Variants in COL7A1 observed in about 807,000 individuals in gnomAD.
COL7A1 encodes collagen type VII alpha 1 chain, also known as collagen alpha-1(VII) chain.
COL7A1 carries 296 observed loss-of-function variants against 456.2 expected under a neutral mutation model. That is an observed-to-expected ratio of 0.65 (90% CI 0.59 to 0.71). The LOEUF is 0.71. Among genes scored for constraint, COL7A1 ranks in the 30% least tolerant of loss-of-function variants. The pLI is 0.00. For missense variants in COL7A1, 3,441 were observed against 4,017.2 expected (o/e 0.86, Z 3.88); for synonymous variants, 1,464 against 1,525.9 (o/e 0.96, Z 0.95).
At position 48,573,863 on chromosome 3, in the gene COL7A1, CA is replaced by C. The variant is rs1477977704; in HGVS notation, c.6528del (p.Gly2177AlafsTer29). 1.9e-6 allele frequency: 3 copies of C among 1,613,846 alleles called. No individual in the cohort carries two copies. The highest frequency in any genetic ancestry group is 1.7e-5 in the Admixed American group (1 of 59,996). On this transcript the variant is annotated frameshift_variant, in exon 81 of 119. Transcript: ENST00000681320. LOFTEE classifies it high-confidence loss of function. This position sits in a 1 kb window ranked among gnomAD's most constrained non-coding sequence, Gnocchi z 5.5. ...KPGLQGPRGPPGPVGGHGDPG... is the reference protein window; with the variant it reads ...KPGLQGPRGPXGPVGGHGDPG... Reference sequence around the variant, plus strand: ...GGTTCTTGGGTACTCACCACTGGGCCAGGGGGGCCTCTTGGACCCTGCAGAC... The same window carrying C: ...GGTTCTTGGGTACTCACCACTGGGCCGGGGGGCCTCTTGGACCCTGCAGAC...
Position 48,580,392 on chromosome 3 carries a change from G to A in COL7A1, c.5053-48C>T. 2 of 1,591,478 alleles carry A rather than the reference G, an allele frequency of 1.3e-6. No homozygotes were observed. Among genetic ancestry groups the A allele is most frequent in the Non-Finnish European group, 1.7e-6 (2 of 1,166,330 alleles). Reference sequence around the variant, plus strand: ...GCCACTCAAGGTAGGCAGCAGTTTGGGAGAGCTTTGGAAGCACCATGAGGA... The same window carrying A: ...GCCACTCAAGGTAGGCAGCAGTTTGAGAGAGCTTTGGAAGCACCATGAGGA... On this transcript the variant is annotated intron_variant, in intron 55 of 118. Coordinates refer to ENST00000681320, the MANE Select transcript of COL7A1 (RefSeq NM_000094.4). The surrounding 1 kb of genome is among the most constrained non-coding windows in gnomAD (Gnocchi z 4.5).
At position 48,581,695 on chromosome 3, in the gene COL7A1, G is replaced by A. The variant is rs145729790; in HGVS notation, c.4722+11C>T. ...TCACCAACTGCCCCCTAAACACTTC[G>A]CTTCACTTACCCGTTCCCCTTGGAC... On this transcript the variant is annotated intron_variant, in intron 49 of 118. Transcript: ENST00000681320. The surrounding 1 kb of genome is among the most constrained non-coding windows in gnomAD (Gnocchi z 5.8). 766 of 1,613,996 alleles carry A rather than the reference G, an allele frequency of 4.7e-4. 3 individuals are homozygous for A. In the East Asian group the frequency reaches 0.013, roughly 27 times the overall value.
Position 48,588,313 on chromosome 3 carries a change from C to T in COL7A1, c.2679G>A (p.Ala893=), listed in dbSNP as rs374261595. Residue 893 remains alanine, a synonymous_variant, in exon 21 of 119, where the codon GCG becomes GCA. Coordinates refer to ENST00000681320, the MANE Select transcript of COL7A1 (RefSeq NM_000094.4). The surrounding 1 kb of genome is among the most constrained non-coding windows in gnomAD (Gnocchi z 4.6). ...GTTGCCAGTGCAGAAGGAAGCCCTG[C>T]GCTCTGGGCACCGGCTCCCAGCGCA... is the stretch of plus-strand genomic sequence containing the variant. ...LRLRWEPVPR[A]QGFLLHWQPE... is the part of the protein sequence containing the mutation. 5.0e-5 allele frequency: 80 copies of T among 1,612,960 alleles called. 1 individual carries two copies. The African/African-American group carries it at 7.9e-4, about 16-fold the overall frequency.
Position 48,569,879 on chromosome 3 carries a change from C to T in COL7A1, c.7521+1G>A, listed in dbSNP as rs1560200657. 3.1e-6 allele frequency: 5 copies of T among 1,614,150 alleles called. No homozygotes were observed. Among genetic ancestry groups the T allele is most frequent in the Non-Finnish European group, 2.5e-6 (3 of 1,180,006 alleles). On this transcript the variant is annotated splice_donor_variant, in intron 100 of 118. Coordinates refer to ENST00000681320, the MANE Select transcript of COL7A1 (RefSeq NM_000094.4). LOFTEE classifies it high-confidence loss of function. This position sits in a 1 kb window ranked among gnomAD's most constrained non-coding sequence, Gnocchi z 4.9. ...TGCCAGGACCTTCCCCACGTTCCTA[C>T]CTTCTCCCCACGCTCTCCCCTGCTG...
chr3:48,584,486 G>C lies in COL7A1; in HGVS notation c.4118C>G (p.Ser1373Trp). ...LPGRKGDPGP[S>W]GPPGPRGPLG... The stretch of plus-strand genomic sequence containing the variant: ...TGCCTCCACATACCCTGCACTTACC[G>C]ATGGTCCAGGGTCCCCTTTCCGCCC... The change falls in exon 36 of 119, where the codon TCG (serine) becomes TGG (tryptophan). Residue 1373 changes from serine to tryptophan, a missense_variant and splice_region_variant. By Grantham distance (177) the Ser-to-Trp change is radical (BLOSUM62 -3). Around this residue, in one of 3 missense-constraint regions of COL7A1, gnomAD observed 2,084 missense variants for 2,501.3 expected, o/e 0.83. Transcript: ENST00000681320. The C allele has an allele frequency of 2.5e-6, 4 of 1,613,790 alleles. No individual in the cohort carries two copies. The highest frequency in any genetic ancestry group is 3.4e-6 in the Non-Finnish European group (4 of 1,179,960).
Position 48,594,483 on chromosome 3 carries a change from G to T in COL7A1, c.151C>A (p.Arg51Ser). ...FLLDGSSSIG[R>S]SNFREVRSFL... ...CTGCGGACCTCGCGGAAATTGCTGCGGCCAATGGATGAGGAGCCATCCAGT... is the reference window on the plus strand; with the variant it reads ...CTGCGGACCTCGCGGAAATTGCTGCTGCCAATGGATGAGGAGCCATCCAGT... The change falls in exon 3 of 119, where the codon CGC (arginine) becomes AGC (serine). Residue 51 changes from arginine to serine, a missense_variant. Arg to Ser is a moderately radical substitution (Grantham distance 110). Around this residue, in one of 3 missense-constraint regions of COL7A1, gnomAD observed 913 missense variants for 1,088.2 expected, o/e 0.84. Coordinates refer to ENST00000681320, the MANE Select transcript of COL7A1 (RefSeq NM_000094.4). The surrounding 1 kb of genome is among the most constrained non-coding windows in gnomAD (Gnocchi z 5.5). The T allele has an allele frequency of 1.2e-6, 2 of 1,612,356 alleles. No homozygotes were observed. Among genetic ancestry groups the T allele is most frequent in the East Asian group, 2.2e-5 (1 of 44,894 alleles).
In COL7A1 at chr3:48,586,742, G is replaced by A; in HGVS notation, c.3277-53C>T. 1.3e-6 allele frequency: 2 copies of A among 1,549,572 alleles called. No homozygotes were observed. The highest frequency in any genetic ancestry group is 3.9e-5 in the Admixed American group (2 of 51,078). On this transcript the variant is annotated intron_variant, in intron 25 of 118. Coordinates refer to ENST00000681320, the MANE Select transcript of COL7A1 (RefSeq NM_000094.4). The surrounding 1 kb of genome is among the most constrained non-coding windows in gnomAD (Gnocchi z 5.1). ...AGGAGGATGACAGAGCAGGGATGGGGGTGCACAGAGCCTGGAGAAACACAT... is the reference window on the plus strand; with the variant it reads ...AGGAGGATGACAGAGCAGGGATGGGAGTGCACAGAGCCTGGAGAAACACAT...
Position 48,593,886 on chromosome 3 carries a change from A to G in COL7A1, c.267-190T>C, listed in dbSNP as rs1340048640. Among the ~76,000 whole-genome samples the G allele has an allele frequency of 6.6e-6, 1 of 152,166 alleles. No individual in the cohort carries two copies. Among genetic ancestry groups the G allele is most frequent in the Non-Finnish European group, 1.5e-5 (1 of 68,002 alleles). Reference sequence around the variant, plus strand: ...AAACTCCCCAGGGGCTCCTTTGTGCACCATCTGCAGGTGGGCCTGGGCAGA... The same window carrying G: ...AAACTCCCCAGGGGCTCCTTTGTGCGCCATCTGCAGGTGGGCCTGGGCAGA... On this transcript the variant is annotated intron_variant, in intron 3 of 118. Coordinates refer to ENST00000681320, the MANE Select transcript of COL7A1 (RefSeq NM_000094.4). The surrounding 1 kb of genome is among the most constrained non-coding windows in gnomAD (Gnocchi z 4.4).
In COL7A1 at chr3:48,583,586, G is replaced by A. The variant is rs1395386523; in HGVS notation, c.4371C>T (p.Leu1457=). The change falls in exon 41 of 119, where the codon CTC becomes CTT. Residue 1457 remains leucine, a synonymous_variant. Transcript: ENST00000681320. This position sits in a 1 kb window ranked among gnomAD's most constrained non-coding sequence, Gnocchi z 5.1. ...CACCCGGAGACCCAGGTTGTCCTGG[G>A]AGGCCTGGAGCTCCATCCTCAGAGT... ...KGDSEDGAPG[L]PGQPGSPGEQ... The A allele has an allele frequency of 2.5e-6, 4 of 1,614,036 alleles. No individual in the cohort carries two copies. Among genetic ancestry groups the A allele is most frequent in the Admixed American group, 1.7e-5 (1 of 60,024 alleles).
chr3:48,588,340 C>A lies in COL7A1; in HGVS notation c.2652G>T (p.Arg884Ser). Residue 884 changes from arginine to serine, a missense_variant, in exon 21 of 119, where the codon AGG (arginine) becomes AGT (serine). By Grantham distance (110) the Arg-to-Ser change is moderately radical (BLOSUM62 -1). This residue lies in a region of COL7A1 where 444 missense variants were observed against 427.6 expected (regional missense o/e 1.04). Coordinates refer to ENST00000681320, the MANE Select transcript of COL7A1 (RefSeq NM_000094.4). The surrounding 1 kb of genome is among the most constrained non-coding windows in gnomAD (Gnocchi z 4.6). ...CTCTGGGCACCGGCTCCCAGCGCAG[C>A]CTCAGCGAGTGCTCCCCGCGCTGCA... ...HVVQRGEHSL[R>S]LRWEPVPRAQ... is the part of the protein sequence containing the mutation. 1.2e-6 allele frequency: 2 copies of A among 1,612,826 alleles called. No homozygotes were observed. The highest frequency in any genetic ancestry group is 1.7e-6 in the Non-Finnish European group (2 of 1,179,992).
At position 48,564,489 on chromosome 3, in the gene COL7A1, C is replaced by A; in HGVS notation, c.8819-67G>T. 2 of 1,592,240 alleles carry A rather than the reference C, an allele frequency of 1.3e-6. No homozygotes were observed. The highest frequency in any genetic ancestry group is 1.7e-5 in the Admixed American group (1 of 59,262). On this transcript the variant is annotated intron_variant, in intron 118 of 118. Coordinates refer to ENST00000681320, the MANE Select transcript of COL7A1 (RefSeq NM_000094.4). The surrounding 1 kb of genome is among the most constrained non-coding windows in gnomAD (Gnocchi z 6.0). Reference sequence around the variant, plus strand: ...TTCCCCGGAGACGCTCAGGCAGAGGCACCGCCAAGGGGAGGGAGCGGAGGC... The same window carrying A: ...TTCCCCGGAGACGCTCAGGCAGAGGAACCGCCAAGGGGAGGGAGCGGAGGC...
At chr3:48,576,162 A>C in intron 71 of COL7A1, 87 bp downstream of exon 71, 1 of 1,585,032 alleles carries the variant, frequency 6.3e-7, no homozygotes, top group Non-Finnish European at 8.6e-7. Context: ...GAACCTATGG[A>C]GCCTCATGGC....
At position 48,590,111 on chromosome 3, in the gene COL7A1, G is replaced by A; in HGVS notation, c.2050+102C>T. On this transcript the variant is annotated intron_variant, in intron 16 of 118. Transcript: ENST00000681320. The surrounding 1 kb of genome is among the most constrained non-coding windows in gnomAD (Gnocchi z 4.6). ...AGGAGGGAGTGGGATTCTGAAGGGG[G>A]AGGCAGGAGTTCTGGGGAGAAGCAA... 1.5e-6 allele frequency: 2 copies of A among 1,302,120 alleles called. No individual in the cohort carries two copies. The highest frequency in any genetic ancestry group is 2.1e-6 in the Non-Finnish European group (2 of 933,334). The allele number at this position is 1,302,120 out of a possible 1,614,324, so 80.7% of individuals were successfully genotyped here.
chr3:48,587,648 A>G lies in COL7A1; in HGVS notation c.2858-94T>C. Reference sequence around the variant, plus strand: ...ATCCTGGGTCCGGTTTGTCTTATTGAAGCATCATGGGAGGTCATGCTGGGG... The same window carrying G: ...ATCCTGGGTCCGGTTTGTCTTATTGGAGCATCATGGGAGGTCATGCTGGGG... On this transcript the variant is annotated intron_variant, in intron 22 of 118. Transcript: ENST00000681320. The surrounding 1 kb of genome is among the most constrained non-coding windows in gnomAD (Gnocchi z 6.1). 6.2e-7 allele frequency: 1 copy of G among 1,606,004 alleles called. No individual in the cohort carries two copies.
chr3:48,565,515 G>C lies in COL7A1; in HGVS notation c.8441-19C>G. 1 of 1,613,636 alleles carries C rather than the reference G, an allele frequency of 6.2e-7. No individual in the cohort carries two copies. The highest frequency in any genetic ancestry group is 8.5e-7 in the Non-Finnish European group (1 of 1,179,650). On this transcript the variant is annotated intron_variant, in intron 115 of 118. Coordinates refer to ENST00000681320, the MANE Select transcript of COL7A1 (RefSeq NM_000094.4). This position sits in a 1 kb window ranked among gnomAD's most constrained non-coding sequence, Gnocchi z 4.5. ...AGGGGTCCTGGAGCCAAGAGCAGGGGCCTCAGGGCCCTGAAGTCACCATGG... is the reference window on the plus strand; with the variant it reads ...AGGGGTCCTGGAGCCAAGAGCAGGGCCCTCAGGGCCCTGAAGTCACCATGG...
rs2044713060 is a variant in COL7A1, at chr3:48,580,975, C to G, written c.4936-49G>C. 1.9e-6 allele frequency: 3 copies of G among 1,611,850 alleles called. No homozygotes were observed. ...ACTGCACAGGGCAGTCAGGATCTAA[C>G]TCACTCAGGGAGAGGGGACAGAGAA... is the stretch of plus-strand genomic sequence containing the variant. On this transcript the variant is annotated intron_variant, in intron 53 of 118. Transcript: ENST00000681320. This position sits in a 1 kb window ranked among gnomAD's most constrained non-coding sequence, Gnocchi z 4.5.
At position 48,572,458 on chromosome 3, in the gene COL7A1, C is replaced by T. The variant is rs201093706; in HGVS notation, c.6937-37G>A. 34 of 1,613,816 alleles carry T rather than the reference C, an allele frequency of 2.1e-5. No homozygotes were observed. The highest frequency in any genetic ancestry group is 1.1e-5 in the South Asian group (1 of 91,088). On this transcript the variant is annotated intron_variant, in intron 89 of 118. Coordinates refer to ENST00000681320, the MANE Select transcript of COL7A1 (RefSeq NM_000094.4). The surrounding 1 kb of genome is among the most constrained non-coding windows in gnomAD (Gnocchi z 4.6). ...GAGAGGTCAGTGGGATTCCTTGGCC[C>T]CCACCAGTTGACCCCCCCTCACTGG...
Position 48,590,154 on chromosome 3 carries a change from C to T in COL7A1, c.2050+59G>A. 1 of 1,588,562 alleles carries T rather than the reference C, an allele frequency of 6.3e-7. No homozygotes were observed. Among genetic ancestry groups the T allele is most frequent in the East Asian group, 2.2e-5 (1 of 44,548 alleles). On this transcript the variant is annotated intron_variant, in intron 16 of 118. Coordinates refer to ENST00000681320, the MANE Select transcript of COL7A1 (RefSeq NM_000094.4). The surrounding 1 kb of genome is among the most constrained non-coding windows in gnomAD (Gnocchi z 4.6). ...AGAAGCAAGGGTCTGCAAGGGAAGG[C>T]ATGGGGGTCTGAAAGAGCAATGGAG... is the stretch of plus-strand genomic sequence containing the variant.
chr3:48,564,643 G>A lies in COL7A1; in HGVS notation c.8818+140C>T, dbSNP rs1348921050. ...CTATATTCAGCTCTTTGGTCTGGGCGTCTGCCCCAGGTCCCCTACTGCGAG... is the reference window on the plus strand; with the variant it reads ...CTATATTCAGCTCTTTGGTCTGGGCATCTGCCCCAGGTCCCCTACTGCGAG... On this transcript the variant is annotated intron_variant, in intron 118 of 118. Transcript: ENST00000681320. This position sits in a 1 kb window ranked among gnomAD's most constrained non-coding sequence, Gnocchi z 6.0. 27 of 1,103,208 alleles carry A rather than the reference G, an allele frequency of 2.4e-5. No homozygotes were observed. The highest frequency in any genetic ancestry group is 3.1e-5 in the African/African-American group (2 of 63,632). The allele number at this position is 1,103,208 out of a possible 1,614,324, so 68.3% of individuals were successfully genotyped here.
Sources: gnomAD v4.1 joint callset for allele counts (sites outside exome capture counted in the v4.1 genomes callset) on GRCh38, gnomAD v4.1.1 for gene constraint, gnomAD v4.1.1 regional missense constraint, Gnocchi (gnomAD v3.1) non-coding constraint, MANE v1.5 for transcripts, NCBI Gene and HGNC (gene_info 2026-07-23, HGNC 2026-07-21) for gene names.